Variants in CNTNAP2 observed in about 807,000 individuals in gnomAD.
CNTNAP2 encodes contactin associated protein 2, also known as contactin-associated protein-like 2.
In CNTNAP2, 98 loss-of-function variants were observed where a neutral mutation model predicts 155.2. The observed-to-expected ratio is 0.63, with a 90% CI of 0.54 to 0.75. The LOEUF is 0.75. Ranked by LOEUF, CNTNAP2 falls within the 30% of genes least tolerant of loss-of-function variation. The pLI, the probability that CNTNAP2 is intolerant of heterozygous loss-of-function variation, is 0.00. For missense variants in CNTNAP2, 1,727 were observed against 1,688.1 expected, an observed-to-expected ratio of 1.02 and a Z score of -0.40; for synonymous variants, 651 against 631.2, an observed-to-expected ratio of 1.03 and a Z score of -0.47.
At chr7:148,402,320 CTT>C (rs11302218) in intron 22 of CNTNAP2, among the ~76,000 whole-genome samples, 2 of 151,358 alleles carry the variant, frequency 1.3e-5, no homozygotes, top group Non-Finnish European at 2.9e-5. Flanking sequence ...TGGCTGGCTA[CTT>C]TTTTTTTAGA....
At chr7:148,164,281 C>G (rs1190949288) in intron 17 of CNTNAP2, among the ~76,000 whole-genome samples, 1 of 152,066 alleles carries the variant, frequency 6.6e-6, no homozygotes. Context: ...ATGCTTCAGA[C>G]CTAAGAAACA....
chr7:146,257,783 T>C (rs1799861458), intron 1 of CNTNAP2, among the ~76,000 whole-genome samples: 1 of 152,198 alleles, frequency 6.6e-6, no homozygotes, highest in Non-Finnish European at 1.5e-5. Context: ...TCACTAGTTA[T>C]GCTGTGGGAT....
At chr7:147,635,474 C>A (rs549958508) in intron 12 of CNTNAP2, among the ~76,000 whole-genome samples, 1 of 152,068 alleles carries the variant, frequency 6.6e-6, no homozygotes, top group Admixed American at 6.6e-5. Flanking sequence ...TCCTTAGATA[C>A]ATTCCCTAGA....
At chr7:146,759,721 G>T (rs1235542809) in intron 1 of CNTNAP2, among the ~76,000 whole-genome samples, 1 of 148,742 alleles carries the variant, frequency 6.7e-6, no homozygotes, top group East Asian at 1.9e-4. Flanking sequence ...AGGTGGGTGG[G>T]GTGGGGTGGG....
At chr7:146,836,361 T>G (rs1803617389) in intron 2 of CNTNAP2, among the ~76,000 whole-genome samples, 1 of 152,214 alleles carries the variant, frequency 6.6e-6, no homozygotes, top group Non-Finnish European at 1.5e-5. Context: ...CTTTTGTGTA[T>G]GTACTGCTCT....
intron 13 of CNTNAP2, among the ~76,000 whole-genome samples, chr7:147,874,177 C>T (rs533401967): frequency 4.1e-4 from 63 of 152,220 alleles, no homozygotes; most frequent in African/African-American, 1.0e-3. Context: ...GTCTGGAGGA[C>T]GGTGACGCTC....
chr7:146,719,367 A>G (rs1215415118), intron 1 of CNTNAP2, among the ~76,000 whole-genome samples: 2 of 152,188 alleles, frequency 1.3e-5, no homozygotes, highest in African/African-American at 4.8e-5. Context: ...ATGTCCCTAA[A>G]CAATCTTAAG....
At chr7:146,615,108 T>C (rs1057004169) in intron 1 of CNTNAP2, among the ~76,000 whole-genome samples, 1 of 152,212 alleles carries the variant, frequency 6.6e-6, no homozygotes, top group Non-Finnish European at 1.5e-5. Context: ...CTTTGCTAAA[T>C]AATGAAATTG....
At chr7:146,881,029 T>C (rs888700770) in intron 3 of CNTNAP2, among the ~76,000 whole-genome samples, 6 of 152,146 alleles carry the variant, frequency 3.9e-5, no homozygotes, top group Admixed American at 1.3e-4. Flanking sequence ...TAAGGAATTA[T>C]TTTTGTTACC....
At chr7:147,298,938 G>C (rs573401414) in intron 8 of CNTNAP2, among the ~76,000 whole-genome samples, 1 of 152,214 alleles carries the variant, frequency 6.6e-6, no homozygotes, top group Admixed American at 6.5e-5. Flanking sequence ...TGGTTTTTCA[G>C]ATTCCTGGTA....
intron 3 of CNTNAP2, among the ~76,000 whole-genome samples, chr7:146,998,999 T>A (rs550485869): frequency 6.6e-6 from 1 of 152,080 alleles, no homozygotes; most frequent in Admixed American, 6.6e-5. Context: ...ATTATTTATA[T>A]GTAGGAACTT....
chr7:147,143,718 G>A (rs946705601), intron 8 of CNTNAP2, among the ~76,000 whole-genome samples: 1 of 152,154 alleles, frequency 6.6e-6, no homozygotes, highest in Non-Finnish European at 1.5e-5. Context: ...GGAGGCTAAT[G>A]TGTGTGAAAT....
At position 147,121,124 on chromosome 7, in the gene CNTNAP2, T is replaced by A. The variant is rs1801103100; in HGVS notation, c.900T>A (p.Arg300=). ...TGGACAGGAGCATGCAGCACTTCCG[T>A]ACCAATGGAGAGTTTGACTACCTGG... is the stretch of plus-strand genomic sequence containing the variant. ...LTLDRSMQHF[R]TNGEFDYLDL... is the part of the protein sequence containing the mutation. The change falls in exon 6 of 24, where the codon CGT becomes CGA. Residue 300 remains arginine, a synonymous_variant. Coordinates refer to ENST00000361727, the MANE Select transcript of CNTNAP2 (RefSeq NM_014141.6). The A allele has an allele frequency of 6.2e-7, 1 of 1,614,056 alleles. No homozygotes were observed. The highest frequency in any genetic ancestry group is 1.3e-5 in the African/African-American group (1 of 74,942).
At chr7:146,180,121 G>T (rs1798528962) in intron 1 of CNTNAP2, among the ~76,000 whole-genome samples, 1 of 151,938 alleles carries the variant, frequency 6.6e-6, no homozygotes, top group Non-Finnish European at 1.5e-5. Context: ...ACACCCTCAG[G>T]GAAAGTTTAG....
intron 3 of CNTNAP2, among the ~76,000 whole-genome samples, chr7:146,866,440 T>A (rs1384061934): frequency 6.6e-6 from 1 of 152,136 alleles, no homozygotes; most frequent in African/African-American, 2.4e-5. Flanking sequence ...TATTAATAAT[T>A]TATTTAACCA....
At chr7:148,135,445 A>G (rs1316227982) in intron 16 of CNTNAP2, among the ~76,000 whole-genome samples, 1 of 152,178 alleles carries the variant, frequency 6.6e-6, no homozygotes, top group Non-Finnish European at 1.5e-5. Flanking sequence ...CTCATTCCCA[A>G]TCATAACATA....
At chr7:147,494,750 T>C (rs990588820) in intron 11 of CNTNAP2, among the ~76,000 whole-genome samples, 2 of 151,796 alleles carry the variant, frequency 1.3e-5, no homozygotes, top group Non-Finnish European at 2.9e-5. Context: ...CTACTTTAAT[T>C]TGAAGATAAG....
intron 13 of CNTNAP2, among the ~76,000 whole-genome samples, chr7:147,838,521 A>G (rs1354548706): frequency 1.3e-5 from 2 of 152,288 alleles, no homozygotes. Flanking sequence ...TTCTGCTTAG[A>G]TATTTTTTCT....
At chr7:147,683,345 T>C (rs563388387) in intron 13 of CNTNAP2, among the ~76,000 whole-genome samples, 10 of 151,990 alleles carry the variant, frequency 6.6e-5, no homozygotes, top group Admixed American at 3.3e-4. Context: ...AGTTCTGTGT[T>C]CTTTATACCT....
Sources: allele counts gnomAD v4.1 joint callset (sites outside exome capture counted in the v4.1 genomes callset), GRCh38; gene constraint gnomAD v4.1.1; transcripts MANE v1.5; gene names NCBI Gene and HGNC (gene_info 2026-07-23, HGNC 2026-07-21).